The following CCDC60 variants were observed in gnomAD, a reference collection of about 807,000 sequenced individuals.
CCDC60 encodes coiled-coil domain-containing protein 60.
In CCDC60, 54 loss-of-function variants were observed where a neutral mutation model predicts 63.5. The ratio of observed to expected loss-of-function variants is 0.85; its 90% confidence interval spans 0.68 to 1.07. The LOEUF (loss-of-function observed/expected upper bound fraction) is 1.07. Among genes scored for constraint, CCDC60 ranks in the 50% least tolerant of loss-of-function variants. CCDC60 has a pLI of 0.00. For missense variants in CCDC60, 651 were observed against 684.3 expected (o/e 0.95, Z 0.54); for synonymous variants, 206 against 238.8 (o/e 0.86, Z 1.27).
intron 1 of CCDC60, among the ~76,000 whole-genome samples, chr12:119,426,480 T>A (rs1956903671): frequency 6.6e-6 from 1 of 152,054 alleles, no homozygotes; most frequent in Non-Finnish European, 1.5e-5. Flanking sequence ...CTCAGCTTCC[T>A]GAGCAGCTGG....
chr12:119,370,718 A>T (rs746841597), intron 1 of CCDC60, among the ~76,000 whole-genome samples: 3 of 151,848 alleles, frequency 2.0e-5, no homozygotes, highest in African/African-American at 4.8e-5. Context: ...AAAAACACTT[A>T]CTCTTCAACA....
intron 4 of CCDC60, among the ~76,000 whole-genome samples, chr12:119,484,128 C>T (rs979445410): frequency 6.6e-6 from 1 of 152,150 alleles, no homozygotes; most frequent in African/African-American, 2.4e-5. Flanking sequence ...AGAAGCCAGA[C>T]TGCCTGGGCT....
intron 7 of CCDC60, among the ~76,000 whole-genome samples, chr12:119,510,346 G>C (rs1952180559): frequency 6.6e-6 from 1 of 152,078 alleles, no homozygotes; most frequent in African/African-American, 2.4e-5. Flanking sequence ...ACTCTTGTAT[G>C]ACTCTCTCTA....
intron 1 of CCDC60, among the ~76,000 whole-genome samples, chr12:119,338,721 C>A (rs1007186999): frequency 5.3e-5 from 8 of 152,118 alleles, no homozygotes; most frequent in African/African-American, 1.9e-4. Flanking sequence ...GGAACGACAC[C>A]TAAAAGTAGA....
chr12:119,351,656 A>G (rs987897582), intron 1 of CCDC60, among the ~76,000 whole-genome samples: 5 of 152,236 alleles, frequency 3.3e-5, no homozygotes, highest in African/African-American at 1.2e-4. Context: ...GTGCTAAACC[A>G]TTCATGAAAG....
At chr12:119,335,601 T>C (rs1249854769) in intron 1 of CCDC60, among the ~76,000 whole-genome samples, 20 of 151,748 alleles carry the variant, frequency 1.3e-4, no homozygotes, top group Non-Finnish European at 1.8e-4. Flanking sequence ...TGTCTTCTTT[T>C]GAGAAGTGTC....
intron 1 of CCDC60, among the ~76,000 whole-genome samples, chr12:119,403,560 T>G (rs553378017): frequency 6.6e-6 from 1 of 152,262 alleles, no homozygotes; most frequent in African/African-American, 2.4e-5. Flanking sequence ...CACAGTGGCC[T>G]GGGGAGAGTC....
At chr12:119,480,743 CCAT>C (rs1951289769) in intron 4 of CCDC60, among the ~76,000 whole-genome samples, 2 of 143,562 alleles carry the variant, frequency 1.4e-5, no homozygotes, top group South Asian at 4.7e-4. Context: ...ATCATCATCA[CCAT>C]CATCCTCACC....
chr12:119,512,186 G>A (rs147868958), intron 7 of CCDC60, among the ~76,000 whole-genome samples: 2 of 152,278 alleles, frequency 1.3e-5, no homozygotes, highest in East Asian at 3.9e-4. Flanking sequence ...TTCCAGGTAT[G>A]GCTTTTGACG....
chr12:119,394,012 G>T (rs1189397611), intron 1 of CCDC60, among the ~76,000 whole-genome samples: 4 of 152,138 alleles, frequency 2.6e-5, no homozygotes, highest in African/African-American at 9.7e-5. Context: ...CTGGAACTAT[G>T]ACAGGCCCTT....
intron 2 of CCDC60, among the ~76,000 whole-genome samples, chr12:119,461,561 G>A (rs908651310): frequency 1.3e-5 from 2 of 152,158 alleles, no homozygotes; most frequent in South Asian, 2.1e-4. Context: ...GAGAACATAC[G>A]TTCCTTAATA....
intron 2 of CCDC60, among the ~76,000 whole-genome samples, chr12:119,470,145 T>C (rs565669802): frequency 1.4e-4 from 21 of 152,214 alleles, no homozygotes; most frequent in Non-Finnish European, 2.9e-4. Flanking sequence ...TTACACCTGA[T>C]ATTCCATCCA....
intron 12 of CCDC60, among the ~76,000 whole-genome samples, chr12:119,528,975 C>A (rs1241100928): frequency 6.6e-6 from 1 of 152,150 alleles, no homozygotes; most frequent in Non-Finnish European, 1.5e-5. Context: ...CCATTGCGTT[C>A]TCCATATTTA....
intron 1 of CCDC60, among the ~76,000 whole-genome samples, chr12:119,353,492 G>GTC (rs5801333): frequency 0.66 from 99,842 of 150,856 alleles, 33,228 homozygotes; most frequent in East Asian, 0.82. Context: ...CTCTGTCTCT[G>GTC]TCTCTCTGTC....
At chr12:119,343,027 C>CA (rs1955547993) in intron 1 of CCDC60, among the ~76,000 whole-genome samples, 2 of 152,288 alleles carry the variant, frequency 1.3e-5, no homozygotes, top group South Asian at 2.1e-4. Context: ...ATAGCACTTA[C>CA]AAAAAATCTG....
chr12:119,535,780 C>T (rs1361798295), intron 13 of CCDC60, among the ~76,000 whole-genome samples: 3 of 152,242 alleles, frequency 2.0e-5, no homozygotes, highest in African/African-American at 7.2e-5. Flanking sequence ...GTCTGAGAGA[C>T]AGTTTGTTAT....
Position 119,524,716 on chromosome 12 carries a change from C to CTTTTTTTTTTTTTTTT in CCDC60, c.1229+902_1229+903insTTTTTTTTTTTTTTTT, listed in dbSNP as rs1416953138. Among the ~76,000 whole-genome samples the CTTTTTTTTTTTTTTTT allele has an allele frequency of 3.5e-4, 32 of 90,550 alleles. 1 individual carries two copies. The highest frequency in any genetic ancestry group is 1.2e-3 in the African/African-American group (22 of 18,802). 59.4% of individuals were successfully genotyped at this position (90,550 alleles called of 152,430 possible). A position where few individuals can be genotyped will look rare whatever the true frequency, so the allele number is the denominator to read the frequency against. On this transcript the variant is annotated intron_variant, in intron 11 of 13. Coordinates refer to ENST00000327554, the MANE Select transcript of CCDC60 (RefSeq NM_178499.5). Reference sequence around the variant, plus strand: ...AGGAAACAGCAGTTTCTTTTCTTTTCTTTTCTTTTTTTTTTTTTTTTTTTG... The same window carrying CTTTTTTTTTTTTTTTT: ...AGGAAACAGCAGTTTCTTTTCTTTTCTTTTTTTTTTTTTTTTTTTTCTTTTTTTTTTTTTTTTTTTG...
At chr12:119,440,947 C>T (rs1950431985) in intron 2 of CCDC60, among the ~76,000 whole-genome samples, 1 of 140,082 alleles carries the variant, frequency 7.1e-6, no homozygotes, top group African/African-American at 2.7e-5. Flanking sequence ...CAATGTCTGA[C>T]ACACGGTAAG....
chr12:119,340,744 A>C (rs1955523900), intron 1 of CCDC60, among the ~76,000 whole-genome samples: 1 of 152,202 alleles, frequency 6.6e-6, no homozygotes, highest in South Asian at 2.1e-4. Flanking sequence ...CAAATAGAAG[A>C]AATTGTGACC....
Sources: allele counts gnomAD v4.1 joint callset (sites outside exome capture counted in the v4.1 genomes callset), GRCh38; gene constraint gnomAD v4.1.1; transcripts MANE v1.5; gene names NCBI Gene and HGNC (gene_info 2026-07-23, HGNC 2026-07-21).